SLIT3: variants seen among roughly 807,000 people sequenced by gnomAD.
SLIT3 encodes the protein slit homolog 3 protein.
A neutral mutation model predicts 184.0 loss-of-function variants in SLIT3; 68 were observed. That is an observed-to-expected ratio of 0.37 (90% CI 0.30 to 0.45). SLIT3 has a LOEUF of 0.45. Ranked by LOEUF, SLIT3 falls within the 20% of genes least tolerant of loss-of-function variation. The pLI, the probability that SLIT3 is intolerant of heterozygous loss-of-function variation, is 1.00. For synonymous variants in SLIT3, 831 were observed against 828.6 expected (o/e 1.00, Z -0.05); for missense variants, 1,707 against 2,026.0 (o/e 0.84, Z 3.02).
intron 3 of SLIT3, 80 bp downstream of exon 3, chr5:169,244,625 T>C (rs1487727257): frequency 1.5e-6 from 2 of 1,333,016 alleles, no homozygotes; most frequent in African/African-American, 1.5e-5. Flanking sequence ...TAAGGCCAAT[T>C]TACAAAAACA....
intron 1 of SLIT3, among the ~76,000 whole-genome samples, chr5:169,290,442 C>T (rs1009991435): frequency 2.7e-5 from 4 of 147,074 alleles, no homozygotes; most frequent in African/African-American, 5.1e-5. Context: ...CACTAGGTTG[C>T]GCACTAGGGC....
At chr5:168,883,388 T>A (rs1210036954) in intron 4 of SLIT3, 52 bp from the exon 5 acceptor site, 17 of 1,342,440 alleles carry the variant, frequency 1.3e-5, no homozygotes, top group Non-Finnish European at 1.7e-5. Context: ...GCTGTCTTGA[T>A]CTGCATCTCA....
chr5:169,284,892 A>G (rs575084459), intron 1 of SLIT3, among the ~76,000 whole-genome samples: 29 of 152,280 alleles, frequency 1.9e-4, no homozygotes, highest in African/African-American at 6.7e-4. Context: ...GTAATTTTTC[A>G]AAGGGCACAT....
intron 4 of SLIT3, among the ~76,000 whole-genome samples, chr5:168,925,475 C>T (rs1002921403): frequency 2.6e-5 from 4 of 152,188 alleles, no homozygotes; most frequent in Non-Finnish European, 5.9e-5. Context: ...TCTCTCTTCC[C>T]ACCTAACTCA....
At chr5:169,228,972 C>T (rs1764899773) in intron 3 of SLIT3, among the ~76,000 whole-genome samples, 1 of 152,152 alleles carries the variant, frequency 6.6e-6, no homozygotes, top group African/African-American at 2.4e-5. Flanking sequence ...CAGCGCACAG[C>T]CATGTAATAT....
intron 3 of SLIT3, among the ~76,000 whole-genome samples, chr5:169,224,910 C>CT (rs1183400916): frequency 6.6e-6 from 1 of 152,146 alleles, no homozygotes; most frequent in Admixed American, 6.6e-5. Flanking sequence ...TCTCAAGCTC[C>CT]TGGCCTCAAG....
chr5:169,259,392 T>C (rs1339854790), intron 1 of SLIT3, among the ~76,000 whole-genome samples: 1 of 152,192 alleles, frequency 6.6e-6, no homozygotes, highest in African/African-American at 2.4e-5. Context: ...TTCAGAGTGG[T>C]TAATTTTTCA....
intron 18 of SLIT3, among the ~76,000 whole-genome samples, chr5:168,751,433 G>A (rs985063727): frequency 1.3e-5 from 2 of 152,224 alleles, no homozygotes; most frequent in East Asian, 3.8e-4. Context: ...GGCCCTTGCT[G>A]TGTGTTTTAC....
intron 3 of SLIT3, among the ~76,000 whole-genome samples, chr5:169,217,053 A>G (rs943763509): frequency 1.1e-4 from 16 of 151,534 alleles, no homozygotes; most frequent in Non-Finnish European, 1.9e-4. Context: ...GCTTGGCCAC[A>G]TATTTATTCC....
chr5:169,259,900 A>T (rs1285027406), intron 1 of SLIT3, among the ~76,000 whole-genome samples: 2 of 152,182 alleles, frequency 1.3e-5, no homozygotes, highest in African/African-American at 4.8e-5. Flanking sequence ...TTAGAGAACA[A>T]GGCAAGAATT....
At chr5:168,893,083 G>A (rs749136496) in intron 4 of SLIT3, among the ~76,000 whole-genome samples, 1 of 152,196 alleles carries the variant, frequency 6.6e-6, no homozygotes, top group Admixed American at 6.5e-5. Flanking sequence ...TTCACATTGT[G>A]TGCAGAAATC....
chr5:168,713,510 A>G (rs759698551), intron 23 of SLIT3, among the ~76,000 whole-genome samples: 1 of 152,254 alleles, frequency 6.6e-6, no homozygotes, highest in Non-Finnish European at 1.5e-5. Flanking sequence ...TTCTTTAGTG[A>G]CTGATGGGCA....
intron 4 of SLIT3, among the ~76,000 whole-genome samples, chr5:169,153,841 A>G (rs1046296063): frequency 2.0e-5 from 3 of 152,054 alleles, no homozygotes; most frequent in Admixed American, 2.0e-4. Context: ...TTGGCTGCAG[A>G]TGTCTTCCTT....
chr5:168,669,807 A>G lies in SLIT3; in HGVS notation c.4312T>C (p.Phe1438Leu). 6.2e-7 allele frequency: 1 copy of G among 1,613,870 alleles called. No homozygotes were observed. Among genetic ancestry groups the G allele is most frequent in the Non-Finnish European group, 8.5e-7 (1 of 1,180,034 alleles). The change falls in exon 35 of 36, where the codon TTT becomes CTT. Residue 1438 changes from phenylalanine (F) to leucine (L), a missense_variant. Coordinates refer to ENST00000519560, the MANE Select transcript of SLIT3 (RefSeq NM_003062.4). ...CCTTGTTGGCAGTGCTCGCCGCTAA[A>G]GCCGGGCTGGCACAGGCAGTAGGGC... is the stretch of plus-strand genomic sequence containing the variant. ...GEPYCLCQPG[F>L]SGEHCQQENP...
At chr5:169,140,308 CAAAAAAAAAA>C (rs10536624) in intron 4 of SLIT3, among the ~76,000 whole-genome samples, 16,738 of 42,158 alleles carry the variant, frequency 0.4, 1,561 homozygotes, top group South Asian at 0.55. Context: ...ACTAAAAATG[CAAAAAAAAAA>C]AAAAAAAAAA....
intron 20 of SLIT3, among the ~76,000 whole-genome samples, chr5:168,747,520 G>A (rs1754524089): frequency 6.6e-6 from 1 of 152,164 alleles, no homozygotes; most frequent in Non-Finnish European, 1.5e-5. Flanking sequence ...GTGTGAGTGT[G>A]TGGTGCTCCT....
At chr5:169,143,067 C>T (rs1352377068) in intron 4 of SLIT3, among the ~76,000 whole-genome samples, 1 of 152,118 alleles carries the variant, frequency 6.6e-6, no homozygotes, top group Non-Finnish European at 1.5e-5. Context: ...CCAGTAAGTC[C>T]CTATTTTTAA....
intron 12 of SLIT3, among the ~76,000 whole-genome samples, chr5:168,778,545 G>C (rs1337452277): frequency 1.3e-5 from 2 of 152,218 alleles, no homozygotes; most frequent in East Asian, 3.9e-4. Flanking sequence ...AGGAGCTTCA[G>C]CGTGTGATGC....
intron 4 of SLIT3, among the ~76,000 whole-genome samples, chr5:168,912,921 T>G (rs554142166): frequency 1.3e-5 from 2 of 152,310 alleles, no homozygotes; most frequent in South Asian, 4.1e-4. Flanking sequence ...CTGGATTCAC[T>G]TGTTACAGCT....
Sources: gnomAD v4.1 joint callset for allele counts (sites outside exome capture counted in the v4.1 genomes callset) on GRCh38, gnomAD v4.1.1 for gene constraint, MANE v1.5 for transcripts, NCBI Gene and HGNC (gene_info 2026-07-23, HGNC 2026-07-21) for gene names.